The following MAP7 variants were observed in gnomAD, a reference collection of about 807,000 sequenced individuals.
MAP7 encodes the protein ensconsin.
In MAP7, 52 loss-of-function variants were observed where a neutral mutation model predicts 94.8. The ratio of observed to expected loss-of-function variants is 0.55; its 90% CI spans 0.44 to 0.69. The LOEUF is 0.69. Ranked by LOEUF, MAP7 falls within the 30% of genes least tolerant of loss-of-function variation. MAP7 has a pLI of 0.00. For synonymous variants in MAP7, 350 were observed against 357.0 expected, an observed-to-expected ratio of 0.98 and a Z score of 0.22; for missense variants, 940 against 964.6, an observed-to-expected ratio of 0.97 and a Z score of 0.34.
chr6:136,511,384 G>A (rs570635904), intron 1 of MAP7, among the ~76,000 whole-genome samples: 8 of 152,218 alleles, frequency 5.3e-5, no homozygotes, highest in African/African-American at 1.9e-4. Context: ...AGAGTGCTGA[G>A]GTTTTGAATC....
chr6:136,441,437 T>C (rs1797841844), intron 1 of MAP7, among the ~76,000 whole-genome samples: 1 of 152,212 alleles, frequency 6.6e-6, no homozygotes, highest in Non-Finnish European at 1.5e-5. Flanking sequence ...TCAGCACTTC[T>C]CTCATAAAAT....
In MAP7 at chr6:136,377,065, T is replaced by C. The variant is rs1045986551; in HGVS notation, c.751+690A>G. ...ACTGGATGTAGGCTTACCGACTAGATGTAGGCTTACCGACTAGATGTAGGC... is the reference window on the plus strand; with the variant it reads ...ACTGGATGTAGGCTTACCGACTAGACGTAGGCTTACCGACTAGATGTAGGC... On this transcript the variant is annotated intron_variant, in intron 7 of 17. Transcript: ENST00000354570. 5.3e-5 allele frequency among the ~76,000 whole-genome samples: 8 copies of C among 152,310 alleles called. No homozygotes were observed. The South Asian group carries it at 8.3e-4, about 16-fold the overall frequency.
intron 1 of MAP7, among the ~76,000 whole-genome samples, chr6:136,542,193 A>G (rs1467846189): frequency 6.6e-6 from 1 of 152,276 alleles, no homozygotes; most frequent in Non-Finnish European, 1.5e-5. Flanking sequence ...TCCAAATGCC[A>G]TTTAAATGTG....
chr6:136,448,760 T>C (rs1328825946), intron 1 of MAP7, among the ~76,000 whole-genome samples: 1 of 152,062 alleles, frequency 6.6e-6, no homozygotes, highest in South Asian at 2.1e-4. Flanking sequence ...AATGGAATTA[T>C]AGCAATGCCT....
At chr6:136,428,863 A>G (rs1032480590) in intron 1 of MAP7, among the ~76,000 whole-genome samples, 2 of 152,204 alleles carry the variant, frequency 1.3e-5, no homozygotes, top group African/African-American at 4.8e-5. Context: ...TATAATCTCC[A>G]GAATAACATG....
At chr6:136,399,386 T>C (rs1466010297) in intron 3 of MAP7, among the ~76,000 whole-genome samples, 2 of 152,182 alleles carry the variant, frequency 1.3e-5, no homozygotes, top group Non-Finnish European at 2.9e-5. Context: ...GCTCTGTAAC[T>C]CAGGCTGAAG....
At chr6:136,415,624 T>C (rs1478688461) in intron 2 of MAP7, among the ~76,000 whole-genome samples, 2 of 152,190 alleles carry the variant, frequency 1.3e-5, no homozygotes, top group African/African-American at 4.8e-5. Flanking sequence ...ATTCTGAAAA[T>C]AGTTGAAGAA....
intron 1 of MAP7, among the ~76,000 whole-genome samples, chr6:136,436,252 CTA>C (rs1796350264): frequency 6.6e-6 from 1 of 152,140 alleles, no homozygotes; most frequent in African/African-American, 2.4e-5. Context: ...TTTGGATAAA[CTA>C]TTCAATTTTC....
At chr6:136,549,233 A>G (rs1829952221) in intron 1 of MAP7, among the ~76,000 whole-genome samples, 1 of 152,184 alleles carries the variant, frequency 6.6e-6, no homozygotes, top group Non-Finnish European at 1.5e-5. Flanking sequence ...TTTAGGAAAC[A>G]AATGCTTCCG....
chr6:136,536,380 T>C (rs1408208986), intron 1 of MAP7, among the ~76,000 whole-genome samples: 1 of 152,144 alleles, frequency 6.6e-6, no homozygotes, highest in African/African-American at 2.4e-5. Flanking sequence ...GGGACACTAC[T>C]TCATCTCTAA....
intron 6 of MAP7, 77 bp downstream of exon 6, chr6:136,383,594 A>G (rs1778369893): frequency 1.2e-6 from 1 of 802,516 alleles, no homozygotes. Flanking sequence ...TCAGATGCTT[A>G]TTTTTATCTG....
intron 1 of MAP7, chr6:136,526,432 TA>T: frequency 1.0e-6 from 1 of 987,432 alleles, no homozygotes; most frequent in Non-Finnish European, 1.2e-6. Flanking sequence ...TACCACACAG[TA>T]AAATATTCAG....
intron 2 of MAP7, 39 bp downstream of exon 2, chr6:136,421,662 T>G: frequency 6.5e-7 from 1 of 1,541,708 alleles, no homozygotes; most frequent in South Asian, 1.1e-5. Flanking sequence ...GCATAAAAGA[T>G]AACCTTTATT....
Position 136,475,043 on chromosome 6 carries a change from A to T in MAP7, c.68-53244T>A, listed in dbSNP as rs561983230. The stretch of plus-strand genomic sequence containing the variant: ...TCTAAAATTTTTATAATTACTTTCC[A>T]TGACAATAAAAGCTCTTCATAGATG... On this transcript the variant is annotated intron_variant, in intron 1 of 17. Coordinates refer to ENST00000354570, the MANE Select transcript of MAP7 (RefSeq NM_003980.6). 9.9e-5 allele frequency among the ~76,000 whole-genome samples: 15 copies of T among 152,266 alleles called. No individual in the cohort carries two copies. The South Asian group carries it at 3.1e-3, about 32-fold the overall frequency.
chr6:136,544,067 G>A (rs1829537769), intron 1 of MAP7, among the ~76,000 whole-genome samples: 1 of 151,908 alleles, frequency 6.6e-6, no homozygotes, highest in Non-Finnish European at 1.5e-5. Context: ...GATTACAGAT[G>A]TATGCCACGA....
chr6:136,455,981 C>T (rs1231864147), intron 1 of MAP7, among the ~76,000 whole-genome samples: 1 of 152,026 alleles, frequency 6.6e-6, no homozygotes, highest in Admixed American at 6.6e-5. Context: ...ACTAAACAAC[C>T]CCTGTTTATT....
At chr6:136,411,091 T>C (rs1175635105) in intron 3 of MAP7, among the ~76,000 whole-genome samples, 2 of 152,232 alleles carry the variant, frequency 1.3e-5, no homozygotes, top group Non-Finnish European at 2.9e-5. Flanking sequence ...CAGCTTCTGC[T>C]AAGATAGTCC....
At chr6:136,505,271 GTGTGTGTATATATATATATATATATA>G (rs1304854970) in intron 1 of MAP7, among the ~76,000 whole-genome samples, 1 of 95,470 alleles carries the variant, frequency 1.0e-5, no homozygotes, top group Non-Finnish European at 1.9e-5. Flanking sequence ...GTGTGTGTGT[GTGTGTGTATATATATATATATATATA>G]TATATATATA....
chr6:136,443,113 A>C (rs1798342554), intron 1 of MAP7, among the ~76,000 whole-genome samples: 1 of 152,096 alleles, frequency 6.6e-6, no homozygotes. Flanking sequence ...AAATAGTAAA[A>C]TCTAGGGGGA....
Sources: allele counts gnomAD v4.1 joint callset (sites outside exome capture counted in the v4.1 genomes callset), GRCh38; gene constraint gnomAD v4.1.1; transcripts MANE v1.5; gene names NCBI Gene and HGNC (gene_info 2026-07-23, HGNC 2026-07-21).